MAPK12: variants seen among roughly 807,000 people sequenced by gnomAD.
MAPK12 encodes the protein MAP kinase 12.
A neutral mutation model predicts 49.1 loss-of-function variants in MAPK12; 49 were observed. The observed-to-expected ratio is 1.00, with a 90% CI of 0.79 to 1.27. The LOEUF is 1.27. MAPK12 is among the 50% of genes most tolerant of loss of function. The pLI is 0.00. For missense variants in MAPK12, 554 were observed against 502.4 expected, an observed-to-expected ratio of 1.10 and a Z score of -0.98; for synonymous variants, 251 against 209.7, an observed-to-expected ratio of 1.20 and a Z score of -1.70.
intron 2 of MAPK12, among the ~76,000 whole-genome samples, chr22:50,259,198 C>T (rs1001321934): frequency 6.6e-6 from 1 of 152,112 alleles, no homozygotes; most frequent in Non-Finnish European, 1.5e-5. Flanking sequence ...CCACGTGGGC[C>T]AGAGCCATGG....
chr22:50,259,121 C>T (rs1003134437), intron 2 of MAPK12, among the ~76,000 whole-genome samples: 28 of 152,248 alleles, frequency 1.8e-4, no homozygotes, highest in South Asian at 1.2e-3. Context: ...TCCTCCTGGC[C>T]GTGGTGTAGG....
intron 3 of MAPK12, 70 bp from the exon 4 acceptor site, chr22:50,257,263 GC>G: frequency 7.7e-7 from 1 of 1,295,608 alleles, no homozygotes. Flanking sequence ...CACCCAGCAG[GC>G]CCAGGCTCAG....
chr22:50,255,578 G>GGCCCCCCCCCCC, intron 9 of MAPK12, 37 bp downstream of exon 9: 2 of 1,581,982 alleles, frequency 1.3e-6, no homozygotes, highest in Non-Finnish European at 8.7e-7. Flanking sequence ...GCCCAGGTCC[G>GGCCCCCCCCCCC]CCCCCACCCC....
In MAPK12 at chr22:50,258,305, G is replaced by C. The variant is rs749615092; in HGVS notation, c.256-4C>G. The stretch of plus-strand genomic sequence containing the variant: ...ATACGTCCAGCAGCCCGATCACCTG[G>C]GGGGGCCACATAGGGTTGAGAATGC... On this transcript the variant is annotated splice_polypyrimidine_tract_variant and splice_region_variant and intron_variant, in intron 2 of 11. Transcript: ENST00000215659. 3 of 1,612,850 alleles carry C rather than the reference G, an allele frequency of 1.9e-6. No individual in the cohort carries two copies. Among genetic ancestry groups the C allele is most frequent in the Admixed American group, 1.7e-5 (1 of 60,024 alleles).
At chr22:50,257,668 G>A (rs2065164219) in intron 3 of MAPK12, 6 of 590,942 alleles carry the variant, frequency 1.0e-5, no homozygotes, top group South Asian at 4.0e-5. Context: ...CGGCTGGGCC[G>A]GTGGAGACAG....
intron 3 of MAPK12, chr22:50,257,416 C>A: frequency 3.4e-6 from 2 of 580,474 alleles, no homozygotes; most frequent in Admixed American, 2.9e-5. Context: ...GCGCTCACAC[C>A]CCCCTCCCAC....
chr22:50,256,677 C>G, intron 5 of MAPK12, 31 bp from the exon 6 acceptor site: 1 of 1,594,544 alleles, frequency 6.3e-7, no homozygotes, highest in Non-Finnish European at 8.5e-7. Flanking sequence ...GCCACTGTGC[C>G]CCACCCTCCC....
At chr22:50,257,414 A>AC (rs2065161810) in intron 3 of MAPK12, 1 of 573,690 alleles carries the variant, frequency 1.7e-6, no homozygotes, top group Non-Finnish European at 3.2e-6. Context: ...CAGCGCTCAC[A>AC]CCCCCCTCCC....
In MAPK12 at chr22:50,261,304, G is replaced by A; in HGVS notation, c.126-8C>T. The A allele has an allele frequency of 2.8e-6, 4 of 1,430,998 alleles. No individual in the cohort carries two copies. The highest frequency in any genetic ancestry group is 1.4e-5 in the South Asian group (1 of 72,746). 88.6% of individuals were successfully genotyped at this position (1,430,998 alleles called of 1,614,324 possible). A position where few individuals can be genotyped will look rare whatever the true frequency, so the allele number is the denominator to read the frequency against. Reference sequence around the variant, plus strand: ...CGGCCGTCCACGGCCGAGCTGCGGGGCGGACCGCTTAGCGGGAAGGCCGGG... The same window carrying A: ...CGGCCGTCCACGGCCGAGCTGCGGGACGGACCGCTTAGCGGGAAGGCCGGG... On this transcript the variant is annotated splice_region_variant and splice_polypyrimidine_tract_variant and intron_variant, in intron 1 of 11. Coordinates refer to ENST00000215659, the MANE Select transcript of MAPK12 (RefSeq NM_002969.6).
rs556084921 is a variant in MAPK12, at chr22:50,255,272, T to A, written c.949A>T (p.Thr317Ser). ...TTCTGGACCTGGGGCTCATCTTCCG[T>A]GTCGTGCAGGGACTCGAAGTAGGGA... ...AHPYFESLHD[T>S]EDEPQVQKYD... Residue 317 changes from threonine to serine, a missense_variant, in exon 11 of 12, where the codon ACG (threonine) becomes TCG (serine). By Grantham distance (58) the Thr-to-Ser change is moderately conservative (BLOSUM62 1). Coordinates refer to ENST00000215659, the MANE Select transcript of MAPK12 (RefSeq NM_002969.6). 1.9e-6 allele frequency: 3 copies of A among 1,613,862 alleles called. No homozygotes were observed. The African/African-American group carries it at 4.0e-5, about 22-fold the overall frequency.
chr22:50,253,302 G>A lies in MAPK12; in HGVS notation c.*99C>T. 1.1e-6 allele frequency: 1 copy of A among 870,994 alleles called. No homozygotes were observed. Among genetic ancestry groups the A allele is most frequent in the South Asian group, 1.4e-5 (1 of 70,282 alleles). The allele number at this position is 870,994 out of a possible 1,614,324, so 54.0% of individuals were successfully genotyped here. ...GGGCGTCTGCTCTGATGGATGCCTT[G>A]GGATGCAAGCCCCAGCCAAGGTCAA... On this transcript the variant is annotated 3_prime_UTR_variant, in exon 12 of 12. Transcript: ENST00000215659.
chr22:50,260,130 G>A (rs1000296740), intron 2 of MAPK12, among the ~76,000 whole-genome samples: 1 of 152,062 alleles, frequency 6.6e-6, no homozygotes, highest in Non-Finnish European at 1.5e-5. Context: ...ACAGGGCCCA[G>A]GGTAGTGAGC....
intron 3 of MAPK12, 85 bp downstream of exon 3, chr22:50,258,158 C>T: frequency 7.7e-7 from 1 of 1,299,372 alleles, no homozygotes; most frequent in Non-Finnish European, 1.1e-6. Context: ...GAAGAGAACC[C>T]CATTGCCAAC....
intron 3 of MAPK12, chr22:50,257,943 T>C (rs1184036365): frequency 1.3e-6 from 1 of 772,458 alleles, no homozygotes; most frequent in Non-Finnish European, 2.4e-6. Context: ...GCACGGGACC[T>C]TCCTGTTAAC....
intron 8 of MAPK12, 45 bp downstream of exon 8, chr22:50,255,765 G>A: frequency 6.2e-7 from 1 of 1,610,916 alleles, no homozygotes; most frequent in African/African-American, 1.3e-5. Context: ...CTGGGCAGGA[G>A]CCATCCCCAC....
Position 50,261,521 on chromosome 22 carries a change from G to C in MAPK12, c.-12C>G. On this transcript the variant is annotated 5_prime_UTR_variant, in exon 1 of 12. Coordinates refer to ENST00000215659, the MANE Select transcript of MAPK12 (RefSeq NM_002969.6). Reference sequence around the variant, plus strand: ...GGCGGAGAGCTCATGGCAGGCCCGGGAGCTGCCCACCCCGCAGAGCCTGCG... The same window carrying C: ...GGCGGAGAGCTCATGGCAGGCCCGGCAGCTGCCCACCCCGCAGAGCCTGCG... 2 of 1,151,024 alleles carry C rather than the reference G, an allele frequency of 1.7e-6. No homozygotes were observed. The highest frequency in any genetic ancestry group is 2.2e-6 in the Non-Finnish European group (2 of 920,944). 71.3% of individuals were successfully genotyped at this position (1,151,024 alleles called of 1,614,324 possible). A position where few individuals can be genotyped will look rare whatever the true frequency, so the allele number is the denominator to read the frequency against.
chr22:50,259,871 C>T (rs896055107), intron 2 of MAPK12, among the ~76,000 whole-genome samples: 21 of 145,258 alleles, frequency 1.4e-4, no homozygotes, highest in Non-Finnish European at 3.0e-5. Context: ...GCAACAAGAG[C>T]GAAACTCGGT....
chr22:50,253,502 G>GGGGGGGGGGAA, intron 11 of MAPK12, 22 bp from the exon 12 acceptor site: 1 of 171,686 alleles, frequency 5.8e-6, no homozygotes, highest in Non-Finnish European at 1.1e-5. Context: ...GGGGGGGCGG[G>GGGGGGGGGGAA]CACAACAGAG....
At chr22:50,258,028 CCCCAGCTCTG>C in intron 3 of MAPK12, 2 of 728,098 alleles carry the variant, frequency 2.7e-6, no homozygotes. Flanking sequence ...GAGGCAGCAG[CCCCAGCTCTG>C]CCCAGCTGTG....
Sources: gnomAD v4.1 joint callset for allele counts (sites outside exome capture counted in the v4.1 genomes callset) on GRCh38, gnomAD v4.1.1 for gene constraint, MANE v1.5 for transcripts, NCBI Gene and HGNC (gene_info 2026-07-23, HGNC 2026-07-21) for gene names.